HYDIN: variants seen among roughly 807,000 people sequenced by gnomAD.
HYDIN encodes the protein axonemal central pair apparatus protein HYDIN.
A neutral mutation model predicts 403.9 loss-of-function variants in HYDIN; 132 were observed. The ratio of observed to expected loss-of-function variants is 0.33; its 90% CI spans 0.28 to 0.38. The LOEUF (loss-of-function observed/expected upper bound fraction) is 0.38, where lower values mean the gene tolerates loss of function less well. HYDIN is among the 10% of genes least tolerant of loss of function. The probability of loss-of-function intolerance (pLI) is 1.00; values close to 1 mark genes in which losing one functional copy is unlikely to be tolerated. For synonymous variants in HYDIN, 1,202 were observed against 1,891.7 expected (o/e 0.64, Z 9.46); for missense variants, 2,827 against 5,009.5 (o/e 0.56, Z 13.15).
intron 13 of HYDIN, among the ~76,000 whole-genome samples, chr16:71,070,852 GTC>G (rs2082445451): frequency 8.3e-6 from 1 of 121,028 alleles, no homozygotes; most frequent in Non-Finnish European, 1.6e-5. Context: ...TCTGCCTCAT[GTC>G]TCAGCTTTTG....
chr16:71,028,483 C>T (rs1223687074), intron 19 of HYDIN, among the ~76,000 whole-genome samples: 9 of 151,738 alleles, frequency 5.9e-5, no homozygotes, highest in Admixed American at 1.3e-4. Flanking sequence ...AAGAACGTTC[C>T]GACTGCCTGG....
At chr16:70,900,336 G>A (rs1349539386) in intron 53 of HYDIN, among the ~76,000 whole-genome samples, 7 of 151,668 alleles carry the variant, frequency 4.6e-5, no homozygotes. Flanking sequence ...AGTTAGCTGG[G>A]TGTAGTGGCG....
chr16:71,182,085 GA>G (rs2086929043), intron 3 of HYDIN, among the ~76,000 whole-genome samples: 1 of 152,118 alleles, frequency 6.6e-6, no homozygotes, highest in African/African-American at 2.4e-5. Flanking sequence ...CCTTCAGGTG[GA>G]AATTACCTTT....
Position 70,901,324 on chromosome 16 carries a change from T to C in HYDIN, c.8850-122A>G, listed in dbSNP as rs2076371721. ...CAGGTTTGTTGTATAGGTAAACACA[T>C]GTCATGGGGGTTTGCTGTACAGATT... On this transcript the variant is annotated intron_variant, in intron 52 of 85. Coordinates refer to ENST00000393567, the MANE Select transcript of HYDIN (RefSeq NM_001270974.2). 4.9e-6 allele frequency: 3 copies of C among 612,952 alleles called. No individual in the cohort carries two copies. The South Asian group carries it at 5.8e-5, about 12-fold the overall frequency. The allele number at this position is 612,952 out of a possible 1,614,324, so 38.0% of individuals were successfully genotyped here. A position where few individuals can be genotyped will look rare whatever the true frequency, so the allele number is the denominator to read the frequency against.
At chr16:71,034,738 T>C (rs1460160248) in intron 18 of HYDIN, among the ~76,000 whole-genome samples, 4 of 151,130 alleles carry the variant, frequency 2.6e-5, no homozygotes, top group African/African-American at 7.3e-5. Context: ...TTTTTCAAGG[T>C]TTTAAATTGT....
intron 15 of HYDIN, chr16:71,066,662 G>A (rs2082279509): frequency 5.8e-6 from 2 of 347,718 alleles, no homozygotes; most frequent in Non-Finnish European, 1.1e-5. Flanking sequence ...CTCATCAGCA[G>A]TACTGCAATG....
chr16:71,223,151 G>A (rs972097669), intron 1 of HYDIN, among the ~76,000 whole-genome samples: 1 of 152,090 alleles, frequency 6.6e-6, no homozygotes, highest in Non-Finnish European at 1.5e-5. Context: ...ACAGAACAGA[G>A]TACCCAAAAA....
chr16:71,149,590 A>T (rs4788777), intron 7 of HYDIN, among the ~76,000 whole-genome samples: 6 of 152,104 alleles, frequency 3.9e-5, no homozygotes. Flanking sequence ...GCAGTAGTGC[A>T]ATCTCTGCTC....
intron 53 of HYDIN, among the ~76,000 whole-genome samples, chr16:70,897,563 C>T (rs1774444): frequency 0.14 from 19,512 of 135,290 alleles, 3,262 homozygotes; most frequent in African/African-American, 0.44. Context: ...TGCCTCCCTC[C>T]TGAGGGATGC....
intron 29 of HYDIN, among the ~76,000 whole-genome samples, chr16:70,981,123 G>A (rs545226683): frequency 6.6e-6 from 1 of 152,110 alleles, no homozygotes; most frequent in South Asian, 2.1e-4. Context: ...CATGGGGGAG[G>A]AAAAGCTTTT....
chr16:70,833,071 T>C lies in HYDIN; in HGVS notation c.13680-4A>G. The C allele has an allele frequency of 6.2e-7, 1 of 1,607,830 alleles. No individual in the cohort carries two copies. Among genetic ancestry groups the C allele is most frequent in the Non-Finnish European group, 8.5e-7 (1 of 1,177,504 alleles). The stretch of plus-strand genomic sequence containing the variant: ...TTTTTTGATGTCCCATTTAAACCTT[T>C]TCCAAGAAAAAGAAGAAAAGAAAGA... On this transcript the variant is annotated splice_region_variant and splice_polypyrimidine_tract_variant and intron_variant, in intron 79 of 85. Transcript: ENST00000393567.
intron 6 of HYDIN, among the ~76,000 whole-genome samples, chr16:71,159,025 T>G (rs201655508): frequency 0.02 from 1,628 of 79,804 alleles, 175 homozygotes; most frequent in Admixed American, 0.18. Context: ...GGAAGCCAGC[T>G]GAACAACCTG....
At position 70,835,057 on chromosome 16, in the gene HYDIN, G is replaced by C. The variant is rs150364861; in HGVS notation, c.13401+619C>G. ...TTTTTTTTTGAGATGGAGTGCCGTG[G>C]TGCGATCTCGACTCACTGCAACCTC... On this transcript the variant is annotated intron_variant, in intron 78 of 85. Coordinates refer to ENST00000393567, the MANE Select transcript of HYDIN (RefSeq NM_001270974.2). Among the ~76,000 whole-genome samples, 1,224 of 147,602 alleles carry C rather than the reference G, an allele frequency of 8.3e-3. 15 individuals carry two copies. The highest frequency in any genetic ancestry group is 0.029 in the African/African-American group (1,174 of 39,830).
chr16:71,071,468 C>CTT (rs1050431729), intron 13 of HYDIN, among the ~76,000 whole-genome samples: 3 of 151,562 alleles, frequency 2.0e-5, no homozygotes, highest in Non-Finnish European at 2.9e-5. Context: ...TCTATGCTCC[C>CTT]TTTTATAGGG....
At position 70,803,230 on chromosome 16, in the gene HYDIN, T is replaced by C. The variant is rs1227652199; in HGVS notation, c.*4350A>G. ...TGGCTCAGGTTGCTAAGTAACCAGT[T>C]TTTTATTCAAGGCCCAGACCAATGC... On this transcript the variant is annotated 3_prime_UTR_variant, in exon 86 of 86. Coordinates refer to ENST00000393567, the MANE Select transcript of HYDIN (RefSeq NM_001270974.2). 6.6e-6 allele frequency among the ~76,000 whole-genome samples: 1 copy of C among 152,180 alleles called. No individual in the cohort carries two copies. The highest frequency in any genetic ancestry group is 1.5e-5 in the Non-Finnish European group (1 of 68,024).
At chr16:71,191,864 T>TTATC (rs930391471) in intron 1 of HYDIN, among the ~76,000 whole-genome samples, 1 of 152,194 alleles carries the variant, frequency 6.6e-6, no homozygotes, top group African/African-American at 2.4e-5. Context: ...TGTGAATGAA[T>TTATC]TATCATTCAC....
At chr16:71,173,713 T>A (rs2086556110) in intron 5 of HYDIN, among the ~76,000 whole-genome samples, 1 of 152,160 alleles carries the variant, frequency 6.6e-6, no homozygotes, top group South Asian at 2.1e-4. Flanking sequence ...AATTTATGTA[T>A]ATACTGAAAA....
At chr16:71,193,952 C>T (rs1011822312) in intron 1 of HYDIN, among the ~76,000 whole-genome samples, 3 of 152,132 alleles carry the variant, frequency 2.0e-5, no homozygotes, top group African/African-American at 7.2e-5. Flanking sequence ...AGTTAAAATC[C>T]TTTCTACCCA....
intron 19 of HYDIN, chr16:71,031,408 A>T: frequency 1.6e-6 from 2 of 1,282,934 alleles, no homozygotes. Flanking sequence ...ATCACAGAGT[A>T]GCCAGTTTGA....
Sources: allele counts gnomAD v4.1 joint callset (sites outside exome capture counted in the v4.1 genomes callset), GRCh38; gene constraint gnomAD v4.1.1; transcripts MANE v1.5; gene names NCBI Gene and HGNC (gene_info 2026-07-23, HGNC 2026-07-21).